ACOT1: variants seen among roughly 807,000 people sequenced by gnomAD.
ACOT1 encodes the protein acyl-CoA thioesterase 1, also known as acyl-coenzyme A thioesterase 1.
ACOT1 carries 8 observed loss-of-function variants against 15.7 expected under a neutral mutation model. The ratio of observed to expected loss-of-function variants is 0.51; its 90% CI spans 0.30 to 0.92. The LOEUF (loss-of-function observed/expected upper bound fraction) is 0.92. ACOT1 is among the 40% of genes least tolerant of loss of function. The pLI is 0.06. For missense variants in ACOT1, 151 were observed against 539.4 expected (o/e 0.28, Z 7.13); for synonymous variants, 67 against 241.2 (o/e 0.28, Z 6.69).
At chr14:73,495,279 C>A in the ACOT1 span, 1 of 1,614,050 alleles carries the variant, frequency 6.2e-7, no homozygotes. Context: ...CCTTGTTCTC[C>A]TTTGGGTTTC....
At chr14:73,528,414 A>AC in the ACOT1 span, among the ~76,000 whole-genome samples, 3 of 148,776 alleles carry the variant, frequency 2.0e-5, no homozygotes, top group African/African-American at 7.4e-5. Context: ...AAAAAAAAAA[A>AC]CTTAAGGAAT....
At chr14:73,496,664 T>C in the ACOT1 span, 4 of 1,583,206 alleles carry the variant, frequency 2.5e-6, no homozygotes, top group Non-Finnish European at 3.5e-6. Context: ...GTATCTTCAT[T>C]GTCTGGTACA....
the ACOT1 span, among the ~76,000 whole-genome samples, chr14:73,521,817 C>G: frequency 6.6e-6 from 1 of 152,198 alleles, no homozygotes; most frequent in African/African-American, 2.4e-5. Flanking sequence ...CTTCCTCACT[C>G]CACCAAGGAT....
At chr14:73,491,647 C>A in the ACOT1 span, 1 of 1,549,676 alleles carries the variant, frequency 6.5e-7, no homozygotes, top group African/African-American at 1.4e-5. Context: ...AGTGGCTCAT[C>A]GCGCCCATGC....
At chr14:73,534,749 AAC>A (rs954899302), upstream of ACOT1, among the ~76,000 whole-genome samples, 3 of 113,766 alleles carry the variant, frequency 2.6e-5, 1 homozygote, top group African/African-American at 8.6e-5. Flanking sequence ...CTCAAGAAAC[AAC>A]AGTTTGAAAT....
chr14:73,502,135 C>A, the ACOT1 span, among the ~76,000 whole-genome samples: 1 of 150,970 alleles, frequency 6.6e-6, no homozygotes, highest in Admixed American at 6.6e-5. Flanking sequence ...CTCAATTGAT[C>A]CTCCTGCTTC....
chr14:73,508,264 T>C, the ACOT1 span: 1 of 1,613,998 alleles, frequency 6.2e-7, no homozygotes, highest in Non-Finnish European at 8.5e-7. Context: ...AGCCAAGCAC[T>C]GAGCTGCAGC....
the ACOT1 span, chr14:73,492,862 T>A: frequency 6.2e-7 from 1 of 1,613,926 alleles, no homozygotes. The surrounding 1 kb of genome is among the most constrained non-coding windows in gnomAD (Gnocchi z 4.9). Flanking sequence ...CCTGTGACAG[T>A]GTGGAGGACC....
the ACOT1 span, chr14:73,514,074 G>A: frequency 6.2e-7 from 1 of 1,614,112 alleles, no homozygotes; most frequent in Non-Finnish European, 8.5e-7. Context: ...TCCTCCGCAG[G>A]ACCACCAGTT....
chr14:73,491,579 G>A, the ACOT1 span: 1 of 1,543,774 alleles, frequency 6.5e-7, no homozygotes, highest in African/African-American at 1.4e-5. Context: ...GCTGCGGCGC[G>A]TCTTGGCCGA....
the ACOT1 span, among the ~76,000 whole-genome samples, chr14:73,498,723 G>A: frequency 6.6e-6 from 1 of 152,224 alleles, no homozygotes; most frequent in African/African-American, 2.4e-5. Flanking sequence ...GTCTGTAGCA[G>A]TCTTGAAACT....
At chr14:73,504,040 C>T in the ACOT1 span, among the ~76,000 whole-genome samples, 1 of 150,222 alleles carries the variant, frequency 6.7e-6, no homozygotes, top group Non-Finnish European at 1.5e-5. Context: ...GATGCAGATT[C>T]TGATTGAGCT....
chr14:73,536,012 T>C (rs1204347161), upstream of ACOT1, among the ~76,000 whole-genome samples: 1 of 116,152 alleles, frequency 8.6e-6, no homozygotes, highest in Non-Finnish European at 1.9e-5. Context: ...TTACCTTCTT[T>C]AGTTCCTGAG....
At chr14:73,509,842 A>T in the ACOT1 span, among the ~76,000 whole-genome samples, 17 of 70,050 alleles carry the variant, frequency 2.4e-4, no homozygotes, top group East Asian at 4.3e-4. Flanking sequence ...ATATATATAT[A>T]TATATATATA....
chr14:73,499,957 C>A, the ACOT1 span, among the ~76,000 whole-genome samples: 1 of 152,264 alleles, frequency 6.6e-6, no homozygotes, highest in South Asian at 2.1e-4. Flanking sequence ...ATGCCAGGCG[C>A]GGTGGCTCAC....
At position 73,537,935 on chromosome 14, in the gene ACOT1, C is replaced by CTGTGTGTG. The variant is rs375758117; in HGVS notation, c.457+67_457+74dup. 32 of 1,094,620 alleles carry CTGTGTGTG rather than the reference C, an allele frequency of 2.9e-5. 5 individuals are homozygous for CTGTGTGTG. In the African/African-American group the frequency reaches 5.7e-4, roughly 19 times the overall value. The allele number at this position is 1,094,620 out of a possible 1,614,324, so 67.8% of individuals were successfully genotyped here. Reference sequence around the variant, plus strand: ...CCCATCCCTGTTCCTGCGCTTTCCACTGTGTGTGTGTGTGTGTCCCCTTCG... The same window carrying CTGTGTGTG: ...CCCATCCCTGTTCCTGCGCTTTCCACTGTGTGTGTGTGTGTGTGTGTGTGTCCCCTTCG... On this transcript the variant is annotated intron_variant, in intron 1 of 2. Coordinates refer to ENST00000311148, the MANE Select transcript of ACOT1 (RefSeq NM_001037161.2).
chr14:73,493,157 TG>T, the ACOT1 span: 84 of 1,584,700 alleles, frequency 5.3e-5, no homozygotes, highest in Non-Finnish European at 7.0e-5. Context: ...AAGTTGGAGG[TG>T]GAAAAAAAAC....
chr14:73,536,043 C>T (rs1268329719), upstream of ACOT1, among the ~76,000 whole-genome samples: 2 of 115,742 alleles, frequency 1.7e-5, no homozygotes, highest in African/African-American at 5.6e-5. Flanking sequence ...ACAGAATATA[C>T]TTGATGTGTG....
chr14:73,526,073 C>T, the ACOT1 span, among the ~76,000 whole-genome samples: 254 of 152,254 alleles, frequency 1.7e-3, 1 homozygote, highest in African/African-American at 5.8e-3. Flanking sequence ...GGTCCTGCAT[C>T]GCCTATGCCC....
Sources: gnomAD v4.1 joint callset for allele counts (sites outside exome capture counted in the v4.1 genomes callset) on GRCh38, gnomAD v4.1.1 for gene constraint, Gnocchi (gnomAD v3.1) non-coding constraint, MANE v1.5 for transcripts, NCBI Gene and HGNC (gene_info 2026-07-23, HGNC 2026-07-21) for gene names.